The following FAM227B variants were observed in gnomAD, a reference collection of about 807,000 sequenced individuals.
The protein encoded by FAM227B is protein FAM227B.
Under a neutral mutation model 73.8 loss-of-function variants are expected in FAM227B, and 88 were observed. The observed-to-expected ratio is 1.19, with a 90% CI of 1.00 to 1.42. The LOEUF is 1.42. FAM227B is among the 40% of genes most tolerant of loss of function. The pLI is 0.00. For missense variants in FAM227B, 632 were observed against 590.9 expected (o/e 1.07, Z -0.72); for synonymous variants, 210 against 190.5 (o/e 1.10, Z -0.84).
At chr15:49,355,848 G>A (rs1267789734) in intron 13 of FAM227B, among the ~76,000 whole-genome samples, 2 of 152,088 alleles carry the variant, frequency 1.3e-5, no homozygotes, top group African/African-American at 4.8e-5. Flanking sequence ...GAGAAAGGTC[G>A]GGTCACCCTC....
chr15:49,381,639 A>G (rs1466743167), intron 11 of FAM227B, among the ~76,000 whole-genome samples: 1 of 152,218 alleles, frequency 6.6e-6, no homozygotes, highest in Non-Finnish European at 1.5e-5. Flanking sequence ...CCACCATCAC[A>G]ACTGTTATTT....
intron 13 of FAM227B, among the ~76,000 whole-genome samples, chr15:49,339,147 A>G (rs557460624): frequency 3.3e-4 from 50 of 152,266 alleles, no homozygotes; most frequent in Admixed American, 2.4e-3. Flanking sequence ...TGTCAAACTT[A>G]TTCTCTGTCC....
At chr15:49,546,069 T>C (rs2071820522) in intron 9 of FAM227B, among the ~76,000 whole-genome samples, 1 of 152,072 alleles carries the variant, frequency 6.6e-6, no homozygotes, top group Non-Finnish European at 1.5e-5. Context: ...TAACTCGTCA[T>C]TTAGCATTAG....
chr15:49,345,340 T>G (rs914575926), intron 13 of FAM227B, among the ~76,000 whole-genome samples: 1 of 152,146 alleles, frequency 6.6e-6, no homozygotes, highest in Admixed American at 6.6e-5. Flanking sequence ...GGTTGTACAT[T>G]TGTGCTGTAT....
chr15:49,588,845 T>C (rs1201339864), intron 4 of FAM227B, among the ~76,000 whole-genome samples: 2 of 151,216 alleles, frequency 1.3e-5, no homozygotes, highest in Non-Finnish European at 3.0e-5. Context: ...TATGAAAATT[T>C]TTAAAAAGTT....
At chr15:49,349,925 C>T (rs1555447782) in intron 13 of FAM227B, among the ~76,000 whole-genome samples, 2 of 151,910 alleles carry the variant, frequency 1.3e-5, no homozygotes, top group Admixed American at 6.6e-5. Flanking sequence ...CCAACCAAAA[C>T]AAAATGAGAG....
chr15:49,576,522 G>C (rs564643398), intron 7 of FAM227B: 3 of 421,272 alleles, frequency 7.1e-6, no homozygotes, highest in Admixed American at 8.1e-5. Flanking sequence ...GCCAGTGTAC[G>C]CTAGCAACCT....
At chr15:49,479,290 C>T (rs2055663365) in intron 11 of FAM227B, among the ~76,000 whole-genome samples, 1 of 152,064 alleles carries the variant, frequency 6.6e-6, no homozygotes, top group South Asian at 2.1e-4. Flanking sequence ...ATTATGCTAT[C>T]ATGGACATTA....
intron 13 of FAM227B, among the ~76,000 whole-genome samples, chr15:49,349,325 C>T (rs918500315): frequency 1.1e-4 from 17 of 152,064 alleles, no homozygotes; most frequent in African/African-American, 3.9e-4. Context: ...CATTTTAAAA[C>T]TCATCCTCCC....
chr15:49,581,801 G>A (rs927719952), intron 5 of FAM227B, among the ~76,000 whole-genome samples: 1 of 152,130 alleles, frequency 6.6e-6, no homozygotes, highest in African/African-American at 2.4e-5. Context: ...ATCAAAGACC[G>A]TTACTAGCCA....
chr15:49,489,226 T>C, intron 11 of FAM227B: 1 of 984,732 alleles, frequency 1.0e-6, no homozygotes, highest in Non-Finnish European at 1.2e-6. Flanking sequence ...AGTCATAAAC[T>C]AGGTGTTTTT....
chr15:49,530,516 A>T (rs1233632204), intron 10 of FAM227B, among the ~76,000 whole-genome samples: 1 of 151,818 alleles, frequency 6.6e-6, no homozygotes, highest in African/African-American at 2.4e-5. Flanking sequence ...TGACTAAGAG[A>T]TTCTTTCTGC....
At position 49,541,821 on chromosome 15, in the gene FAM227B, T is replaced by A. The variant is rs765136412; in HGVS notation, c.748-15A>T. On this transcript the variant is annotated splice_polypyrimidine_tract_variant and intron_variant, in intron 9 of 15. Coordinates refer to ENST00000299338, the MANE Select transcript of FAM227B (RefSeq NM_152647.3). ...TCAGGATATATCTACCAAAATAAAA[T>A]CAAATTAGATTAATTTTATATTTTT... The A allele has an allele frequency of 1.5e-6, 2 of 1,360,148 alleles. No homozygotes were observed. Among genetic ancestry groups the A allele is most frequent in the African/African-American group, 1.5e-5 (1 of 66,802 alleles). The allele number at this position is 1,360,148 out of a possible 1,614,324, so 84.3% of individuals were successfully genotyped here.
intron 3 of FAM227B, among the ~76,000 whole-genome samples, chr15:49,604,317 A>G (rs1282989888): frequency 6.6e-6 from 1 of 151,470 alleles, no homozygotes; most frequent in East Asian, 1.9e-4. Context: ...TTTGAAGGAG[A>G]GCCTTGCCAG....
At chr15:49,573,569 A>G (rs963815411) in intron 8 of FAM227B, among the ~76,000 whole-genome samples, 4 of 152,164 alleles carry the variant, frequency 2.6e-5, no homozygotes, top group African/African-American at 9.7e-5. Flanking sequence ...TTGTTATCAT[A>G]GGAGGGGCCC....
At chr15:49,425,897 A>G (rs1346050606) in intron 11 of FAM227B, among the ~76,000 whole-genome samples, 1 of 151,724 alleles carries the variant, frequency 6.6e-6, no homozygotes, top group Non-Finnish European at 1.5e-5. Flanking sequence ...ATCTAAGGAA[A>G]TGACTATTTG....
chr15:49,490,516 A>C (rs1452900245), intron 11 of FAM227B, among the ~76,000 whole-genome samples: 1 of 152,006 alleles, frequency 6.6e-6, no homozygotes, highest in Admixed American at 6.6e-5. Flanking sequence ...TTAGGTGGGC[A>C]AAACAACAAG....
At chr15:49,332,827 GTGC>G (rs2039040140) in intron 14 of FAM227B, among the ~76,000 whole-genome samples, 1 of 152,158 alleles carries the variant, frequency 6.6e-6, no homozygotes, top group South Asian at 2.1e-4. Context: ...AGTTAGACTA[GTGC>G]ACCCCTGAAG....
intron 11 of FAM227B, among the ~76,000 whole-genome samples, chr15:49,402,561 A>C (rs1441196367): frequency 6.6e-6 from 1 of 152,020 alleles, no homozygotes; most frequent in African/African-American, 2.4e-5. Flanking sequence ...GAATTCATTC[A>C]CAATTCATGA....
Sources: allele counts gnomAD v4.1 joint callset (sites outside exome capture counted in the v4.1 genomes callset), GRCh38; gene constraint gnomAD v4.1.1; transcripts MANE v1.5; gene names NCBI Gene and HGNC (gene_info 2026-07-23, HGNC 2026-07-21).